The following NRBF2 variants were observed in gnomAD, a reference collection of about 807,000 sequenced individuals.
The protein encoded by NRBF2 is nuclear receptor binding factor 2.
In NRBF2, 12 loss-of-function variants were observed where a neutral mutation model predicts 28.5. The ratio of observed to expected loss-of-function variants is 0.42; its 90% CI spans 0.27 to 0.68. The LOEUF is 0.68. Ranked by LOEUF, NRBF2 falls within the 30% of genes least tolerant of loss-of-function variation. NRBF2 has a pLI of 0.24. For missense variants in NRBF2, 274 were observed against 333.5 expected (o/e 0.82, Z 1.39); for synonymous variants, 102 against 116.5 (o/e 0.88, Z 0.80).
At chr10:63,146,782 C>A (rs1841568108) in intron 2 of NRBF2, among the ~76,000 whole-genome samples, 1 of 152,130 alleles carries the variant, frequency 6.6e-6, no homozygotes, top group Non-Finnish European at 1.5e-5. Context: ...AGCTTCCCTT[C>A]TGAATATCTC....
chr10:63,136,124 CTTTTT>C (rs11334549), intron 1 of NRBF2, among the ~76,000 whole-genome samples: 4 of 124,998 alleles, frequency 3.2e-5, no homozygotes, highest in Admixed American at 7.9e-5. Flanking sequence ...AAAATTCAGA[CTTTTT>C]TTTTTTTTTT....
At chr10:63,147,043 A>T (rs1292390855) in intron 2 of NRBF2, among the ~76,000 whole-genome samples, 3 of 152,188 alleles carry the variant, frequency 2.0e-5, no homozygotes, top group South Asian at 2.1e-4. Context: ...AAAAAAATTT[A>T]AAAATCTTTG....
At chr10:63,140,197 T>C (rs1218030412) in intron 1 of NRBF2, among the ~76,000 whole-genome samples, 1 of 152,110 alleles carries the variant, frequency 6.6e-6, no homozygotes, top group Non-Finnish European at 1.5e-5. Flanking sequence ...ACTATAGTTA[T>C]CAATACCATA....
At chr10:63,133,777 C>T (rs529225316) in intron 1 of NRBF2, among the ~76,000 whole-genome samples, 3 of 152,200 alleles carry the variant, frequency 2.0e-5, no homozygotes, top group Non-Finnish European at 4.4e-5. Flanking sequence ...GCTGCCACCT[C>T]CTCTCTGGCT....
rs146754844 is a variant in NRBF2 at position 63,146,169 on chromosome 10, T to C, written c.31-40T>C. 1.6e-4 allele frequency: 248 copies of C among 1,513,742 alleles called. 1 individual carries two copies. In the Admixed American group the frequency reaches 4.1e-3, roughly 25 times the overall value. The allele number at this position is 1,513,742 out of a possible 1,614,324, so 93.8% of individuals were successfully genotyped here. A position where few individuals can be genotyped will look rare whatever the true frequency, so the allele number is the denominator to read the frequency against. Reference sequence around the variant, plus strand: ...GCTTTTTGAAAGAAATCATGTTTTATTTTATGATCCAGAGGAACTTAGGGA... The same window carrying C: ...GCTTTTTGAAAGAAATCATGTTTTACTTTATGATCCAGAGGAACTTAGGGA... On this transcript the variant is annotated intron_variant, in intron 1 of 3. Coordinates refer to ENST00000277746, the MANE Select transcript of NRBF2 (RefSeq NM_030759.5).
chr10:63,151,455 T>C (rs1841648568), intron 2 of NRBF2, among the ~76,000 whole-genome samples: 1 of 152,204 alleles, frequency 6.6e-6, no homozygotes, highest in Non-Finnish European at 1.5e-5. Flanking sequence ...GTAGTGTAGT[T>C]CACAAAATGT....
intron 1 of NRBF2, among the ~76,000 whole-genome samples, chr10:63,142,139 GC>G (rs1476614925): frequency 6.6e-6 from 1 of 152,078 alleles, no homozygotes; most frequent in Non-Finnish European, 1.5e-5. Context: ...GAAATCATCA[GC>G]GACACACACA....
intron 1 of NRBF2, among the ~76,000 whole-genome samples, chr10:63,134,152 G>C (rs1017345372): frequency 3.9e-5 from 6 of 152,164 alleles, no homozygotes; most frequent in Non-Finnish European, 5.9e-5. Flanking sequence ...TAGGCATCAT[G>C]AAAGTGTAAT....
chr10:63,137,325 T>C (rs957969989), intron 1 of NRBF2, among the ~76,000 whole-genome samples: 6 of 152,252 alleles, frequency 3.9e-5, no homozygotes, highest in African/African-American at 1.2e-4. Flanking sequence ...AGTGTATATT[T>C]AGATATTTCT....
At chr10:63,152,089 T>G (rs570197365) in intron 2 of NRBF2, 61 bp from the exon 3 acceptor site, 1 of 1,250,958 alleles carries the variant, frequency 8.0e-7, no homozygotes, top group African/African-American at 1.5e-5. Flanking sequence ...AAACTCTTCC[T>G]TTTACCTGTT....
intron 1 of NRBF2, among the ~76,000 whole-genome samples, chr10:63,136,474 C>T (rs565452580): frequency 6.6e-6 from 1 of 152,270 alleles, no homozygotes; most frequent in South Asian, 2.1e-4. Context: ...TGTCAAATGA[C>T]GTCGTAGTGT....
intron 1 of NRBF2, among the ~76,000 whole-genome samples, chr10:63,138,851 A>T (rs1008574733): frequency 6.6e-6 from 1 of 152,178 alleles, no homozygotes; most frequent in Non-Finnish European, 1.5e-5. Flanking sequence ...GATTTGAGAT[A>T]ACTGTTTGCT....
chr10:63,147,500 G>A (rs1460631180), intron 2 of NRBF2, among the ~76,000 whole-genome samples: 2 of 151,664 alleles, frequency 1.3e-5, no homozygotes, highest in Admixed American at 1.3e-4. Context: ...TTTTTGTAGA[G>A]ACAGGGTTTC....
chr10:63,150,037 G>A (rs973258037), intron 2 of NRBF2, among the ~76,000 whole-genome samples: 7 of 151,490 alleles, frequency 4.6e-5, no homozygotes, highest in African/African-American at 1.7e-4. Context: ...CACCTCATGG[G>A]TTCAAGCGAT....
At chr10:63,140,191 T>C (rs980201111) in intron 1 of NRBF2, among the ~76,000 whole-genome samples, 2 of 152,122 alleles carry the variant, frequency 1.3e-5, no homozygotes, top group Non-Finnish European at 2.9e-5. Flanking sequence ...TTCTATACTA[T>C]AGTTATCAAT....
Position 63,152,139 on chromosome 10 carries a change from T to TC in NRBF2, c.116-10dup. 3 of 1,609,344 alleles carry TC rather than the reference T, an allele frequency of 1.9e-6. No individual in the cohort carries two copies. The highest frequency in any genetic ancestry group is 1.7e-6 in the Non-Finnish European group (2 of 1,176,118). The stretch of plus-strand genomic sequence containing the variant: ...GACACATATTAACATGCCTATTTTT[T>TC]CTCTTAACAGCATATCTTTCTGAAG... On this transcript the variant is annotated splice_polypyrimidine_tract_variant and intron_variant, in intron 2 of 3. Transcript: ENST00000277746.
intron 2 of NRBF2, among the ~76,000 whole-genome samples, chr10:63,147,837 A>G (rs1284322482): frequency 1.3e-5 from 2 of 151,416 alleles, no homozygotes; most frequent in Non-Finnish European, 2.9e-5. Flanking sequence ...AGGGCCAAGC[A>G]TACAGTAGAT....
intron 1 of NRBF2, among the ~76,000 whole-genome samples, chr10:63,135,417 G>A (rs956904128): frequency 2.6e-5 from 4 of 152,086 alleles, no homozygotes; most frequent in African/African-American, 7.2e-5. Context: ...ACTGCCCCAC[G>A]AATGTGTGAT....
chr10:63,154,963 G>A lies in NRBF2; in HGVS notation c.*745G>A, dbSNP rs1260040957. ...ACCCTTTGTTTTTAATGATGCAAGA[G>A]TGGACGTAATGCTAGTTGGCAGTAT... On this transcript the variant is annotated 3_prime_UTR_variant, in exon 4 of 4. Coordinates refer to ENST00000277746, the MANE Select transcript of NRBF2 (RefSeq NM_030759.5). 2 of 152,480 alleles carry A rather than the reference G, an allele frequency of 1.3e-5. No individual in the cohort carries two copies. Among genetic ancestry groups the A allele is most frequent in the Non-Finnish European group, 2.9e-5 (2 of 68,036 alleles). The allele number at this position is 152,480 out of a possible 1,614,324, so 9.4% of individuals were successfully genotyped here. A position where few individuals can be genotyped will look rare whatever the true frequency, so the allele number is the denominator to read the frequency against.
Sources: gnomAD v4.1 joint callset for allele counts (sites outside exome capture counted in the v4.1 genomes callset) on GRCh38, gnomAD v4.1.1 for gene constraint, MANE v1.5 for transcripts, NCBI Gene and HGNC (gene_info 2026-07-23, HGNC 2026-07-21) for gene names.